The following INSL6 variants were observed in gnomAD, a reference collection of about 807,000 sequenced individuals.
INSL6 encodes the protein insulin like 6.
A neutral mutation model predicts 9.4 loss-of-function variants in INSL6; 16 were observed. The observed-to-expected ratio is 1.70, with a 90% CI of 1.15 to 2.59. The LOEUF (loss-of-function observed/expected upper bound fraction) is 2.59. INSL6 is among the 30% of genes most tolerant of loss of function. The pLI is 0.00. For missense variants in INSL6, 391 were observed against 257.3 expected (o/e 1.52, Z -3.56); for synonymous variants, 154 against 96.9 (o/e 1.59, Z -3.46).
chr9:5,179,647 T>A (rs1825400080), intron 1 of INSL6, among the ~76,000 whole-genome samples: 1 of 152,324 alleles, frequency 6.6e-6, no homozygotes, highest in South Asian at 2.1e-4. Flanking sequence ...ACATACACCA[T>A]GGAATACTAT....
At chr9:5,158,879 A>G (rs540511374), downstream of INSL6, among the ~76,000 whole-genome samples, 145 of 152,306 alleles carry the variant, frequency 9.5e-4, 1 homozygote, top group African/African-American at 3.0e-3. Flanking sequence ...ATGGTGTACA[A>G]ACTACTCATA....
chr9:5,035,869 A>C, the INSL6 span, among the ~76,000 whole-genome samples: 2 of 152,208 alleles, frequency 1.3e-5, no homozygotes, highest in Non-Finnish European at 2.9e-5. Context: ...TAGTGTTGGA[A>C]GTTCTGGCCA....
the INSL6 span, among the ~76,000 whole-genome samples, chr9:5,058,444 G>T: frequency 6.6e-6 from 1 of 152,088 alleles, no homozygotes; most frequent in African/African-American, 2.4e-5. Context: ...ACTATCATGA[G>T]AACAGCATGG....
the INSL6 span, among the ~76,000 whole-genome samples, chr9:5,072,779 GAATTACAGGGTTTGAA>G: frequency 6.6e-6 from 1 of 152,108 alleles, no homozygotes; most frequent in Non-Finnish European, 1.5e-5. Flanking sequence ...TGGGGCTATA[GAATTACAGGGTTTGAA>G]AATTACCGGA....
At chr9:4,995,939 A>G in the INSL6 span, among the ~76,000 whole-genome samples, 2 of 152,058 alleles carry the variant, frequency 1.3e-5, no homozygotes, top group Admixed American at 6.5e-5. Context: ...TTATTAGTCT[A>G]TTTTTGGCCT....
the INSL6 span, chr9:5,094,744 T>C: frequency 6.6e-6 from 1 of 152,192 alleles, no homozygotes; most frequent in Non-Finnish European, 1.5e-5. Context: ...CTCTTCTTTA[T>C]AGCAGAATAT....
At chr9:5,030,589 G>T in the INSL6 span, among the ~76,000 whole-genome samples, 2 of 151,990 alleles carry the variant, frequency 1.3e-5, no homozygotes, top group Non-Finnish European at 2.9e-5. Context: ...TTTATTCATG[G>T]TCACACAGGT....
chr9:5,170,983 C>G (rs886143102), intron 1 of INSL6, among the ~76,000 whole-genome samples: 1 of 152,186 alleles, frequency 6.6e-6, no homozygotes, highest in East Asian at 1.9e-4. Flanking sequence ...CTCCCTAACT[C>G]ATTCTATGAG....
intron 2 of INSL6, among the ~76,000 whole-genome samples, chr9:5,135,444 A>T (rs546552293): frequency 3.3e-5 from 5 of 152,190 alleles, no homozygotes; most frequent in Non-Finnish European, 7.3e-5. Context: ...GTGCAATCAA[A>T]TTAGAACTCA....
chr9:5,073,691 T>TC, the INSL6 span: 2 of 1,600,928 alleles, frequency 1.2e-6, no homozygotes, highest in South Asian at 2.2e-5. Flanking sequence ...CTTTTTTTTT[T>TC]CCTTAGTCTT....
downstream of INSL6, chr9:5,123,203 G>C (rs1823750712): frequency 1.1e-6 from 1 of 873,760 alleles, no homozygotes; most frequent in Non-Finnish European, 1.8e-6. Context: ...GTACAATTTT[G>C]CTACATGCAT....
chr9:5,105,495 T>C, the INSL6 span, among the ~76,000 whole-genome samples: 2 of 152,178 alleles, frequency 1.3e-5, no homozygotes, highest in Non-Finnish European at 2.9e-5. Flanking sequence ...CTGCCCAAAG[T>C]AATTTATAGA....
At chr9:5,166,208 T>G (rs1017644407) in intron 1 of INSL6, among the ~76,000 whole-genome samples, 4 of 152,132 alleles carry the variant, frequency 2.6e-5, no homozygotes, top group African/African-American at 9.7e-5. Context: ...AAGATTTTTG[T>G]TTTTGTTTTT....
chr9:5,122,571 A>C (rs1009702930), downstream of INSL6, among the ~76,000 whole-genome samples: 5 of 152,108 alleles, frequency 3.3e-5, no homozygotes, highest in African/African-American at 7.2e-5. Context: ...TTTCTATGTC[A>C]GAGATTCCCA....
the INSL6 span, chr9:5,084,889 C>A: frequency 4.7e-6 from 2 of 428,440 alleles, no homozygotes; most frequent in Non-Finnish European, 9.0e-6. Context: ...AGTTTGATAT[C>A]TTTTAAAATG....
At chr9:5,012,943 A>G in the INSL6 span, among the ~76,000 whole-genome samples, 7 of 152,212 alleles carry the variant, frequency 4.6e-5, no homozygotes, top group Admixed American at 4.6e-4. Flanking sequence ...ATAGTTCAGG[A>G]GAGAAATAAT....
chr9:5,161,926 T>A (rs939264074), downstream of INSL6, among the ~76,000 whole-genome samples: 2 of 151,546 alleles, frequency 1.3e-5, no homozygotes, highest in East Asian at 1.9e-4. Flanking sequence ...ACAAAAAAAA[T>A]ATAAAAAATT....
downstream of INSL6, among the ~76,000 whole-genome samples, chr9:5,163,040 G>A (rs1564048783): frequency 3.3e-5 from 5 of 152,184 alleles, no homozygotes; most frequent in African/African-American, 1.2e-4. Context: ...CACTTCAACA[G>A]TAGGACTTCA....
chr9:5,135,839 G>T (rs988664822), intron 2 of INSL6, among the ~76,000 whole-genome samples: 3 of 151,748 alleles, frequency 2.0e-5, no homozygotes, highest in Non-Finnish European at 2.9e-5. Flanking sequence ...CCAGGAGCTG[G>T]TTTTTTGAAA....
Sources: allele counts gnomAD v4.1 joint callset (sites outside exome capture counted in the v4.1 genomes callset), GRCh38; gene constraint gnomAD v4.1.1; transcripts MANE v1.5; gene names NCBI Gene and HGNC (gene_info 2026-07-23, HGNC 2026-07-21).